Variants in PCDH11X observed in about 807,000 individuals in gnomAD.
PCDH11X encodes the protein protocadherin 11 X-linked.
A neutral mutation model predicts 53.3 loss-of-function variants in PCDH11X; 18 were observed. The observed-to-expected ratio is 0.34, with a 90% CI of 0.23 to 0.50. The LOEUF (loss-of-function observed/expected upper bound fraction) is 0.50. Ranked by LOEUF, PCDH11X falls within the 20% of genes least tolerant of loss-of-function variation. The pLI is 0.98. For missense variants in PCDH11X, 570 were observed against 1,032.4 expected (o/e 0.55, Z 6.14); for synonymous variants, 279 against 393.3 (o/e 0.71, Z 3.44).
intron 6 of PCDH11X, among the ~76,000 whole-genome samples, chrX:92,070,966 ATT>A (rs60055726): frequency 1.1e-4 from 11 of 102,520 alleles, no homozygotes; most frequent in Admixed American, 3.2e-4. Context: ...CACGCAGCTA[ATT>A]TTTTTTTTTT....
intron 7 of PCDH11X, among the ~76,000 whole-genome samples, chrX:92,215,031 G>A (rs1259604516): frequency 1.8e-5 from 2 of 111,643 alleles, no homozygotes; most frequent in Non-Finnish European, 3.8e-5. Context: ...CCCGGCGACG[G>A]AAGGGAGATC....
intron 6 of PCDH11X, among the ~76,000 whole-genome samples, chrX:92,051,376 A>G (rs2063364744): frequency 9.0e-6 from 1 of 111,596 alleles, no homozygotes; most frequent in Admixed American, 9.6e-5. Flanking sequence ...GAGAAAATGT[A>G]TCTCCTAGGT....
chrX:92,130,922 A>C (rs2148195449), intron 6 of PCDH11X, among the ~76,000 whole-genome samples: 1 of 109,517 alleles, frequency 9.1e-6, no homozygotes, highest in Non-Finnish European at 1.9e-5. Context: ...TTGCACAGAT[A>C]CCCTACTACT....
chrX:92,377,367 C>T (rs2070775444), intron 8 of PCDH11X, among the ~76,000 whole-genome samples: 1 of 110,236 alleles, frequency 9.1e-6, no homozygotes, highest in Non-Finnish European at 1.9e-5. Flanking sequence ...TCTCTTTTAG[C>T]AATATTTTTC....
rs58212809 is a variant in PCDH11X, at chrX:92,208,508, A to AATATATAT, written c.3114+7075_3114+7082dup. ...ACAACCGAAGGTGGTCCCTGAAACT[A>AATATATAT]ATATATATATATATATATATATATA... is the stretch of plus-strand genomic sequence containing the variant. On this transcript the variant is annotated intron_variant, in intron 7 of 10. Transcript: ENST00000682573. 4.4e-3 allele frequency among the ~76,000 whole-genome samples: 136 copies of AATATATAT among 30,665 alleles called. 7 individuals carry two copies. Among genetic ancestry groups the AATATATAT allele is most frequent in the East Asian group, 0.042 (48 of 1,147 alleles). 26.6% of individuals were successfully genotyped at this position (30,665 alleles called of 115,157 possible). A position where few individuals can be genotyped will look rare whatever the true frequency, so the allele number is the denominator to read the frequency against.
intron 7 of PCDH11X, among the ~76,000 whole-genome samples, chrX:92,211,078 A>T (rs1050011195): frequency 7.2e-5 from 8 of 111,652 alleles, no homozygotes; most frequent in African/African-American, 2.6e-4. Flanking sequence ...CTTCTCTGGT[A>T]CCAATTTTCT....
intron 8 of PCDH11X, among the ~76,000 whole-genome samples, chrX:92,345,427 A>G (rs1249103657): frequency 9.1e-6 from 1 of 110,455 alleles, no homozygotes; most frequent in Non-Finnish European, 1.9e-5. Context: ...AAGAACAACC[A>G]CAGAGAAAAT....
chrX:92,100,481 G>A (rs1184683728), intron 6 of PCDH11X, among the ~76,000 whole-genome samples: 1 of 110,531 alleles, frequency 9.0e-6, no homozygotes, highest in East Asian at 2.8e-4. Flanking sequence ...GAGCCAGGAT[G>A]AGCCAGGAAA....
chrX:92,393,233 C>A lies in PCDH11X; in HGVS notation c.3343+5300C>A, dbSNP rs75753614. ...CTCCCTTTAAAGGTTAATTACGTAG[C>A]AAGGCCAATTCTGACTCTGTAGGCT... On this transcript the variant is annotated intron_variant, in intron 9 of 10. Coordinates refer to ENST00000682573, the MANE Select transcript of PCDH11X (RefSeq NM_032968.5). 3.5e-4 allele frequency among the ~76,000 whole-genome samples: 39 copies of A among 110,869 alleles called. No homozygotes were observed. The East Asian group carries it at 9.3e-3, about 26-fold the overall frequency.
chrX:92,564,679 T>C (rs746701806), intron 10 of PCDH11X, among the ~76,000 whole-genome samples: 8 of 111,697 alleles, frequency 7.2e-5, no homozygotes, highest in Non-Finnish European at 1.1e-4. Flanking sequence ...AAGAAAATAT[T>C]GAAGAAACTC....
At chrX:91,995,269 G>A (rs767598620) in intron 6 of PCDH11X, among the ~76,000 whole-genome samples, 1 of 107,826 alleles carries the variant, frequency 9.3e-6, no homozygotes, top group African/African-American at 3.4e-5. Flanking sequence ...TGAGACAAAT[G>A]TCAAGGAGCT....
chrX:92,018,438 A>C (rs140909349), intron 6 of PCDH11X, among the ~76,000 whole-genome samples: 1,560 of 112,004 alleles, frequency 0.014, 22 homozygotes, highest in African/African-American at 0.047. Flanking sequence ...GGATGTATAG[A>C]GTCAAAAATG....
In PCDH11X at chrX:92,619,441, TTTG is replaced by T. The variant is rs1331720595; in HGVS notation, c.*510_*512del. ...ATTTTTGTTTGTTGTTTTCAGTTTT[TTTG>T]TTGTTGTTAGTGAGTCTCCCTTCAA... On this transcript the variant is annotated 3_prime_UTR_variant, in exon 11 of 11. Transcript: ENST00000682573. 2.9e-5 allele frequency: 4 copies of T among 136,642 alleles called. No homozygotes were observed. The highest frequency in any genetic ancestry group is 1.4e-5 in the Non-Finnish European group (1 of 70,113). 11.3% of individuals were successfully genotyped at this position (136,642 alleles called of 1,213,427 possible).
chrX:91,887,504 A>C (rs1477370341), intron 6 of PCDH11X, among the ~76,000 whole-genome samples: 1 of 112,073 alleles, frequency 8.9e-6, no homozygotes, highest in Non-Finnish European at 1.9e-5. Context: ...TAGACTTTTA[A>C]AATTCTAGAG....
chrX:92,080,463 T>C (rs778409301), intron 6 of PCDH11X, among the ~76,000 whole-genome samples: 43 of 111,511 alleles, frequency 3.9e-4, no homozygotes, highest in Non-Finnish European at 3.0e-4. Flanking sequence ...GAACAATACC[T>C]TAGCTAAAAA....
intron 6 of PCDH11X, among the ~76,000 whole-genome samples, chrX:92,184,109 G>A (rs769826627): frequency 8.9e-6 from 1 of 111,829 alleles, no homozygotes; most frequent in Non-Finnish European, 1.9e-5. Flanking sequence ...TAGGCGCTCA[G>A]TAAATATTTA....
At chrX:92,125,647 GTTT>G (rs959288235) in intron 6 of PCDH11X, among the ~76,000 whole-genome samples, 2 of 110,706 alleles carry the variant, frequency 1.8e-5, no homozygotes, top group African/African-American at 6.6e-5. Context: ...GTTTGTTTTT[GTTT>G]TTTATTTTTT....
In PCDH11X at chrX:92,411,374, A is replaced by T. The variant is rs1344284756; in HGVS notation, c.3343+23441A>T. 2.7e-5 allele frequency among the ~76,000 whole-genome samples: 3 copies of T among 111,101 alleles called. No individual in the cohort carries two copies. In the Admixed American group the frequency reaches 2.9e-4, roughly 11 times the overall value. ...TGCTGCACCTATCCATCCATCATCT[A>T]GGATTTAAGCCCCGCACGCATTAAG... On this transcript the variant is annotated intron_variant, in intron 9 of 10. Transcript: ENST00000682573.
chrX:92,289,577 G>A lies in PCDH11X; in HGVS notation c.3144+26434G>A, dbSNP rs1397925875. 3.6e-5 allele frequency among the ~76,000 whole-genome samples: 4 copies of A among 111,369 alleles called. No homozygotes were observed. In the East Asian group the frequency reaches 8.5e-4, roughly 24 times the overall value. On this transcript the variant is annotated intron_variant, in intron 8 of 10. Transcript: ENST00000682573. ...ATTTTAATACATTTTAGTAAACTAA[G>A]GGCTGAGTACTATTGGGTTAGAACA...
Sources: allele counts gnomAD v4.1 joint callset (sites outside exome capture counted in the v4.1 genomes callset), GRCh38; gene constraint gnomAD v4.1.1; transcripts MANE v1.5; gene names NCBI Gene and HGNC (gene_info 2026-07-23, HGNC 2026-07-21).